Variants in NEK1 observed in about 807,000 individuals in gnomAD.
The protein encoded by NEK1 is NIMA related kinase 1, also known as serine/threonine-protein kinase Nek1.
Under a neutral mutation model 182.1 loss-of-function variants are expected in NEK1, and 137 were observed. The observed-to-expected ratio is 0.75, with a 90% confidence interval of 0.65 to 0.87. The LOEUF (loss-of-function observed/expected upper bound fraction) is 0.87. NEK1 is among the 40% of genes least tolerant of loss of function. The pLI, the probability that NEK1 is intolerant of heterozygous loss-of-function variation, is 0.00. For synonymous variants in NEK1, 513 were observed against 492.2 expected, an observed-to-expected ratio of 1.04 and a Z score of -0.56; for missense variants, 1,391 against 1,494.4, an observed-to-expected ratio of 0.93 and a Z score of 1.14.
At chr4:169,580,926 T>C (rs904994191) in intron 10 of NEK1, 24 bp from the exon 11 acceptor site, 3 of 1,325,450 alleles carry the variant, frequency 2.3e-6, no homozygotes, top group Non-Finnish European at 3.1e-6. Context: ...AGAAAAAAAT[T>C]AGAAAAGATG....
chr4:169,585,537 T>C lies in NEK1; in HGVS notation c.619A>G (p.Ser207Gly). The C allele has an allele frequency of 6.2e-7, 1 of 1,609,246 alleles. No individual in the cohort carries two copies. The highest frequency in any genetic ancestry group is 8.5e-7 in the Non-Finnish European group (1 of 1,177,574). The change falls in exon 10 of 36, where the codon AGT (serine) becomes GGT (glycine). Residue 207 changes from serine (S) to glycine (G), a missense_variant. This residue lies in a region of NEK1 where 1,216 missense variants were observed against 1,277.6 expected (regional missense o/e 0.95). Transcript: ENST00000507142. ...ATCTTCAGTACCAGGTTTTTCATAC[T>C]GCCAGCTTCAAACTAAATTCCAGAA... ...CTLKHAFEAG[S>G]MKNLVLKIIS... is the part of the protein sequence containing the mutation.
At chr4:169,568,951 AG>A (rs200595628) in intron 12 of NEK1, among the ~76,000 whole-genome samples, 23,540 of 145,828 alleles carry the variant, frequency 0.16, 2,815 homozygotes, top group African/African-American at 0.34. Flanking sequence ...AAAAAAAAAA[AG>A]AAAACCCAAA....
At chr4:169,558,185 C>A (rs1762418796) in intron 16 of NEK1, among the ~76,000 whole-genome samples, 1 of 152,112 alleles carries the variant, frequency 6.6e-6, no homozygotes, top group Non-Finnish European at 1.5e-5. Context: ...CTGAGTGCTC[C>A]ATTTCTCTTT....
intron 31 of NEK1, among the ~76,000 whole-genome samples, chr4:169,408,475 A>G (rs1404723191): frequency 6.6e-6 from 1 of 151,740 alleles, no homozygotes; most frequent in African/African-American, 2.4e-5. Context: ...AATACAAATG[A>G]TTTTTTTTAT....
At chr4:169,419,719 T>C (rs1159680175) in intron 31 of NEK1, among the ~76,000 whole-genome samples, 1 of 152,202 alleles carries the variant, frequency 6.6e-6, no homozygotes, top group Non-Finnish European at 1.5e-5. Context: ...TACACAAACC[T>C]AGATGGTATT....
In NEK1 at chr4:169,537,920, G is replaced by A. The variant is rs2149814535; in HGVS notation, c.1563-9C>T. The A allele has an allele frequency of 6.4e-7, 1 of 1,566,984 alleles. No individual in the cohort carries two copies. The highest frequency in any genetic ancestry group is 1.4e-5 in the African/African-American group (1 of 73,680). ...CTAGCTGCCCTTTTTGCCTAATTTG[G>A]ACAAATCACAAAGTCAGCCATCCTG... On this transcript the variant is annotated splice_polypyrimidine_tract_variant and intron_variant, in intron 18 of 35. Coordinates refer to ENST00000507142, the MANE Select transcript of NEK1 (RefSeq NM_001199397.3).
intron 29 of NEK1, among the ~76,000 whole-genome samples, chr4:169,428,876 A>G (rs1187584141): frequency 6.6e-6 from 1 of 152,102 alleles, no homozygotes; most frequent in Non-Finnish European, 1.5e-5. Context: ...TTTTTCATTC[A>G]ATATTATTTT....
At chr4:169,489,333 T>A (rs1355673203) in intron 23 of NEK1, among the ~76,000 whole-genome samples, 2 of 152,036 alleles carry the variant, frequency 1.3e-5, no homozygotes, top group African/African-American at 4.8e-5. Flanking sequence ...GGTGGTGACA[T>A]CAGCAGGATG....
At chr4:169,486,002 C>T (rs574184895) in intron 23 of NEK1, among the ~76,000 whole-genome samples, 91 of 152,198 alleles carry the variant, frequency 6.0e-4, no homozygotes, top group African/African-American at 2.1e-3. Context: ...GCCATGTTCA[C>T]ACCACGGCAC....
chr4:169,555,687 C>T, intron 18 of NEK1, 33 bp downstream of exon 18: 1 of 1,613,314 alleles, frequency 6.2e-7, no homozygotes, highest in Non-Finnish European at 8.5e-7. Context: ...AAATTACACA[C>T]ATGGATGAAT....
intron 9 of NEK1, 99 bp downstream of exon 9, chr4:169,587,460 T>A: frequency 3.0e-6 from 2 of 670,402 alleles, no homozygotes; most frequent in Non-Finnish European, 2.4e-6. Context: ...ATTTCTAGGA[T>A]GAGGGTTACC....
intron 2 of NEK1, among the ~76,000 whole-genome samples, chr4:169,609,750 T>C (rs1445018368): frequency 3.9e-5 from 6 of 152,188 alleles, no homozygotes; most frequent in Non-Finnish European, 1.5e-5. Flanking sequence ...ACTTTCTGAA[T>C]TTTGAACCAT....
intron 32 of NEK1, among the ~76,000 whole-genome samples, chr4:169,402,333 TGCCCATTGG>T (rs1278640825): frequency 3.3e-5 from 5 of 152,246 alleles, no homozygotes; most frequent in Non-Finnish European, 2.9e-5. Context: ...TCCATATACA[TGCCCATTGG>T]GCATTTGAAC....
At chr4:169,505,720 AT>A (rs1489241286) in intron 23 of NEK1, among the ~76,000 whole-genome samples, 1 of 152,216 alleles carries the variant, frequency 6.6e-6, no homozygotes, top group Non-Finnish European at 1.5e-5. Context: ...TATCACGACT[AT>A]TTGCCAATGA....
At chr4:169,421,845 A>G (rs1735535785) in intron 31 of NEK1, among the ~76,000 whole-genome samples, 1 of 152,234 alleles carries the variant, frequency 6.6e-6, no homozygotes, top group African/African-American at 2.4e-5. Flanking sequence ...TATAGTTCAA[A>G]TAGATTAAAA....
intron 10 of NEK1, among the ~76,000 whole-genome samples, chr4:169,583,248 C>CA (rs1472314214): frequency 4.5e-5 from 6 of 132,882 alleles, no homozygotes; most frequent in African/African-American, 1.4e-4. Flanking sequence ...GCCTGGGTGA[C>CA]AGAGTGAGAC....
chr4:169,399,190 A>C (rs946906688), intron 35 of NEK1, among the ~76,000 whole-genome samples: 2 of 152,154 alleles, frequency 1.3e-5, no homozygotes, highest in Non-Finnish European at 2.9e-5. Flanking sequence ...GGTTGCAGTG[A>C]GCTGAGACTG....
rs781088873 is a variant in NEK1, at chr4:169,562,188, T to C, written c.1029A>G (p.Gln343=). 36 of 1,545,612 alleles carry C rather than the reference T, an allele frequency of 2.3e-5. No homozygotes were observed. The highest frequency in any genetic ancestry group is 3.0e-5 in the Non-Finnish European group (34 of 1,143,120). The part of the protein sequence containing the change: ...KPLQKHKQAH[Q]TPEKRVNTGE... ...CAGTATTCACTCTCTTCTCTGGAGTTTGATGGGCCTGGACAAAAAGTAAAA... is the reference window on the plus strand; with the variant it reads ...CAGTATTCACTCTCTTCTCTGGAGTCTGATGGGCCTGGACAAAAAGTAAAA... The change falls in exon 13 of 36, where the codon CAA becomes CAG. Residue 343 remains glutamine, a synonymous_variant. Transcript: ENST00000507142.
At chr4:169,609,744 T>C (rs146251992) in intron 2 of NEK1, among the ~76,000 whole-genome samples, 30 of 152,322 alleles carry the variant, frequency 2.0e-4, no homozygotes, top group Non-Finnish European at 3.8e-4. Context: ...TTTTGTACTT[T>C]CTGAATTTTG....
Sources: allele counts gnomAD v4.1 joint callset (sites outside exome capture counted in the v4.1 genomes callset), GRCh38; gene constraint gnomAD v4.1.1; regional missense constraint gnomAD v4.1.1; transcripts MANE v1.5; gene names NCBI Gene and HGNC (gene_info 2026-07-23, HGNC 2026-07-21).